DOCK1: variants seen among roughly 807,000 people sequenced by gnomAD.
DOCK1 encodes the protein dedicator of cytokinesis 1, also known as dedicator of cytokinesis protein 1.
DOCK1 carries 138 observed loss-of-function variants against 262.7 expected under a neutral mutation model. The ratio of observed to expected loss-of-function variants is 0.53; its 90% CI spans 0.46 to 0.61. DOCK1 has a LOEUF of 0.61. Ranked by LOEUF, DOCK1 falls within the 20% of genes least tolerant of loss-of-function variation. DOCK1 has a pLI of 0.00. For synonymous variants in DOCK1, 866 were observed against 867.4 expected (o/e 1.00, Z 0.03); for missense variants, 1,908 against 2,370.7 (o/e 0.80, Z 4.05).
intron 24 of DOCK1, among the ~76,000 whole-genome samples, chr10:127,109,066 A>G (rs150521221): frequency 0.013 from 1,937 of 152,280 alleles, 23 homozygotes; most frequent in Non-Finnish European, 0.018. Context: ...TTCTGCTCCT[A>G]TTTTATATCA....
At chr10:127,207,076 G>A (rs778614910) in intron 27 of DOCK1, among the ~76,000 whole-genome samples, 4 of 152,248 alleles carry the variant, frequency 2.6e-5, no homozygotes, top group African/African-American at 4.8e-5. Flanking sequence ...GAATAGGACC[G>A]CAATTGCCAG....
chr10:127,049,778 A>G (rs970032639), intron 21 of DOCK1, among the ~76,000 whole-genome samples: 1 of 152,098 alleles, frequency 6.6e-6, no homozygotes, highest in African/African-American at 2.4e-5. Context: ...AAAATACCGA[A>G]ATAATATTTT....
chr10:127,261,506 GGT>G (rs1398660422), intron 29 of DOCK1, among the ~76,000 whole-genome samples: 8 of 87,964 alleles, frequency 9.1e-5, no homozygotes, highest in Non-Finnish European at 1.4e-4. Flanking sequence ...TGTGCATGTG[GGT>G]GTGTGTGTAC....
chr10:127,154,154 C>G (rs1475213375), intron 27 of DOCK1, among the ~76,000 whole-genome samples: 1 of 152,152 alleles, frequency 6.6e-6, no homozygotes, highest in African/African-American at 2.4e-5. Context: ...AACATAAGCT[C>G]CTGGATGAAG....
chr10:127,264,117 T>G (rs1453560623), intron 29 of DOCK1, among the ~76,000 whole-genome samples: 1 of 152,192 alleles, frequency 6.6e-6, no homozygotes, highest in Non-Finnish European at 1.5e-5. Context: ...TTGTTCGTAT[T>G]GACTACATAG....
chr10:127,444,445 T>C (rs562152521), intron 50 of DOCK1, among the ~76,000 whole-genome samples, 166 bp downstream of exon 50: 1 of 151,626 alleles, frequency 6.6e-6, no homozygotes, highest in Admixed American at 6.6e-5. Context: ...GGCTGTAGAG[T>C]CTGGACTTCC....
intron 6 of DOCK1, among the ~76,000 whole-genome samples, chr10:126,994,907 G>GC (rs1448944669): frequency 1.3e-5 from 2 of 150,730 alleles, no homozygotes; most frequent in South Asian, 2.1e-4. Flanking sequence ...GGGCAGAGGC[G>GC]CCCCCCACCT....
intron 27 of DOCK1, among the ~76,000 whole-genome samples, chr10:127,185,045 G>T (rs2056100511): frequency 6.6e-6 from 1 of 152,196 alleles, no homozygotes; most frequent in Non-Finnish European, 1.5e-5. Flanking sequence ...GGGAAGTACT[G>T]AGAGTGCTCC....
At chr10:127,064,519 C>G (rs186875572) in intron 23 of DOCK1, among the ~76,000 whole-genome samples, 2 of 152,270 alleles carry the variant, frequency 1.3e-5, no homozygotes, top group East Asian at 1.9e-4. Flanking sequence ...TGAGAAAACA[C>G]AAATGGAGGA....
rs371362388 is a variant in DOCK1 at position 127,175,681 on chromosome 10, C to T, written c.2847+47917C>T. The T allele has an allele frequency of 2.6e-5, 42 of 1,613,654 alleles. No homozygotes were observed. The highest frequency in any genetic ancestry group is 3.3e-5 in the Non-Finnish European group (39 of 1,179,990). ...CTCCTGAGGGCAGGTGGAGCGGGCT[C>T]CTCGGAGTTTGGCCTCCCCCGGTCC... On this transcript the variant is annotated intron_variant, in intron 27 of 51. Transcript: ENST00000623213. This position sits in a 1 kb window ranked among gnomAD's most constrained non-coding sequence, Gnocchi z 6.3.
chr10:126,982,043 G>A lies in DOCK1; in HGVS notation c.227+70G>A, dbSNP rs372444674. On this transcript the variant is annotated intron_variant, in intron 4 of 51. Coordinates refer to ENST00000623213, the MANE Select transcript of DOCK1 (RefSeq NM_001290223.2). ...ATTTGGCCTTGCTGCTCTTTTGTAC[G>A]ATGGCGTAATATGAGAGGGTCAAGA... 26 of 1,530,664 alleles carry A rather than the reference G, an allele frequency of 1.7e-5. No individual in the cohort carries two copies. The African/African-American group carries it at 3.0e-4, about 18-fold the overall frequency. The allele number at this position is 1,530,664 out of a possible 1,614,324, so 94.8% of individuals were successfully genotyped here.
At chr10:126,972,867 C>T (rs2038221383) in intron 2 of DOCK1, among the ~76,000 whole-genome samples, 2 of 151,704 alleles carry the variant, frequency 1.3e-5, no homozygotes, top group South Asian at 2.1e-4. Flanking sequence ...CAAAAACCAG[C>T]CCCAGTCCTT....
chr10:126,964,252 T>C lies in DOCK1; in HGVS notation c.47-6450T>C, dbSNP rs1366637658. ...GAATGGCTCAGTGAAAGGTTGTTCC[T>C]TGGAGACCTAGCTTAGGCTGATTTC... On this transcript the variant is annotated intron_variant, in intron 1 of 51. Coordinates refer to ENST00000623213, the MANE Select transcript of DOCK1 (RefSeq NM_001290223.2). Among the ~76,000 whole-genome samples, 4 of 152,366 alleles carry C rather than the reference T, an allele frequency of 2.6e-5. No individual in the cohort carries two copies. In the East Asian group the frequency reaches 7.7e-4, roughly 29 times the overall value.
At chr10:127,444,312 C>T (rs2070387631) in intron 50 of DOCK1, 33 bp downstream of exon 50, 2 of 1,555,118 alleles carry the variant, frequency 1.3e-6, no homozygotes, top group Admixed American at 2.0e-5. Context: ...ACGAATCGTG[C>T]TATAGCTCCG....
chr10:127,215,679 C>T (rs1469332222), intron 27 of DOCK1, among the ~76,000 whole-genome samples: 4 of 151,900 alleles, frequency 2.6e-5, no homozygotes, highest in East Asian at 1.9e-4. Flanking sequence ...TAAAATATGC[C>T]GCCCAAGGTT....
intron 29 of DOCK1, among the ~76,000 whole-genome samples, chr10:127,295,694 AAAG>A (rs1211768437): frequency 6.6e-6 from 1 of 152,100 alleles, no homozygotes; most frequent in Non-Finnish European, 1.5e-5. Flanking sequence ...AAAAAAAAAA[AAAG>A]AACTGTGATT....
chr10:127,176,483 CG>C lies in DOCK1; in HGVS notation c.2847+48720del. ...CGGCCGCACAAACTTTTAGCCACCA[CG>C]ACGACTGCCTGTTTCCTAATTATAT... On this transcript the variant is annotated intron_variant, in intron 27 of 51. Transcript: ENST00000623213. This position sits in a 1 kb window ranked among gnomAD's most constrained non-coding sequence, Gnocchi z 4.4. 9.1e-7 allele frequency: 1 copy of C among 1,102,474 alleles called. No individual in the cohort carries two copies. Among genetic ancestry groups the C allele is most frequent in the Non-Finnish European group, 1.3e-6 (1 of 770,598 alleles). 68.3% of individuals were successfully genotyped at this position (1,102,474 alleles called of 1,614,324 possible). A position where few individuals can be genotyped will look rare whatever the true frequency, so the allele number is the denominator to read the frequency against.
chr10:127,082,351 A>G (rs1342547707), intron 23 of DOCK1, among the ~76,000 whole-genome samples: 1 of 152,184 alleles, frequency 6.6e-6, no homozygotes, highest in East Asian at 1.9e-4. Flanking sequence ...AGACTGGGTC[A>G]TGTATAAAGA....
intron 29 of DOCK1, among the ~76,000 whole-genome samples, chr10:127,275,381 A>C (rs1034495661): frequency 2.0e-5 from 3 of 152,186 alleles, no homozygotes; most frequent in Non-Finnish European, 4.4e-5. Context: ...GAGCTGCCTC[A>C]GTGGAGTGGA....
Sources: gnomAD v4.1 joint callset for allele counts (sites outside exome capture counted in the v4.1 genomes callset) on GRCh38, gnomAD v4.1.1 for gene constraint, Gnocchi (gnomAD v3.1) non-coding constraint, MANE v1.5 for transcripts, NCBI Gene and HGNC (gene_info 2026-07-23, HGNC 2026-07-21) for gene names.